EFCAB8: variants seen among roughly 807,000 people sequenced by gnomAD.
EFCAB8 encodes EF-hand calcium binding domain 8.
Under a neutral mutation model 116.3 loss-of-function variants are expected in EFCAB8, and 100 were observed. That is an observed-to-expected ratio of 0.86 (90% CI 0.73 to 1.02). The LOEUF is 1.02. Ranked by LOEUF, EFCAB8 falls within the 50% of genes least tolerant of loss-of-function variation. The pLI is 0.00. For synonymous variants in EFCAB8, 558 were observed against 567.9 expected, an observed-to-expected ratio of 0.98 and a Z score of 0.25; for missense variants, 1,320 against 1,416.9, an observed-to-expected ratio of 0.93 and a Z score of 1.10.
At chr20:32,886,166 G>A (rs982182679) in intron 6 of EFCAB8, among the ~76,000 whole-genome samples, 31 of 152,310 alleles carry the variant, frequency 2.0e-4, no homozygotes, top group African/African-American at 7.2e-4. Context: ...TACTCCCTGT[G>A]CCTCAGTTTT....
chr20:32,918,629 C>G (rs1987312815), intron 19 of EFCAB8, 55 bp downstream of exon 19: 5 of 1,494,726 alleles, frequency 3.3e-6, no homozygotes, highest in Non-Finnish European at 4.6e-6. Context: ...CGCCGGCGTT[C>G]ACACACCGTC....
At chr20:32,863,906 C>T (rs1984256805) in intron 2 of EFCAB8, 72 bp downstream of exon 2, 1 of 1,510,436 alleles carries the variant, frequency 6.6e-7, no homozygotes, top group East Asian at 2.5e-5. Context: ...CACTTACCAG[C>T]ATGGAAGTAT....
chr20:32,890,536 G>T (rs188704413), intron 7 of EFCAB8, among the ~76,000 whole-genome samples: 1 of 152,292 alleles, frequency 6.6e-6, no homozygotes, highest in East Asian at 1.9e-4. Context: ...CAGTGTCTCA[G>T]TGCCTGGTAC....
chr20:32,948,661 A>G (rs1010814689), intron 23 of EFCAB8, among the ~76,000 whole-genome samples: 4 of 152,176 alleles, frequency 2.6e-5, no homozygotes, highest in African/African-American at 9.6e-5. Flanking sequence ...AAATTTTGCA[A>G]ATAAAATCCA....
chr20:32,945,554 T>C (rs1208550469), intron 23 of EFCAB8, among the ~76,000 whole-genome samples: 1 of 152,238 alleles, frequency 6.6e-6, no homozygotes, highest in East Asian at 1.9e-4. Context: ...TTATTACGGT[T>C]ACTTAGAATT....
intron 15 of EFCAB8, 27 bp from the exon 16 acceptor site, chr20:32,911,453 C>CAGCCCGGCCTCTCCAG: frequency 6.9e-7 from 1 of 1,444,678 alleles, no homozygotes; most frequent in South Asian, 1.5e-5. Context: ...GCCTCTCCAG[C>CAGCCCGGCCTCTCCAG]AGCCCCCAGC....
intron 22 of EFCAB8, among the ~76,000 whole-genome samples, chr20:32,936,441 T>C (rs559550532): frequency 6.6e-6 from 1 of 152,342 alleles, no homozygotes; most frequent in Admixed American, 6.5e-5. Flanking sequence ...TGTTTTACAG[T>C]CTCAGATCTT....
chr20:32,960,251 C>A, intron 26 of EFCAB8, 90 bp downstream of exon 26: 1 of 1,198,004 alleles, frequency 8.3e-7, no homozygotes, highest in Non-Finnish European at 1.2e-6. Flanking sequence ...GCCCACACAG[C>A]CCTTCAGTGA....
At chr20:32,885,872 C>T (rs953798550) in intron 6 of EFCAB8, among the ~76,000 whole-genome samples, 9 of 152,198 alleles carry the variant, frequency 5.9e-5, no homozygotes, top group South Asian at 4.1e-4. Context: ...CTCACAGGCC[C>T]CTCAAATCCA....
Position 32,930,414 on chromosome 20 carries a change from C to A in EFCAB8, c.2429C>A (p.Thr810Asn), listed in dbSNP as rs1600440717. Residue 810 changes from threonine (T) to asparagine (N), a missense_variant, in exon 21 of 27, where the codon ACC (threonine) becomes AAC (asparagine). Physicochemically the swap from Thr to Asn is moderately conservative, Grantham distance 65. Transcript: ENST00000400522. ...CTTCCTCAGATAATCTTCCTGCAGA[C>A]CAGGCCTCGCCTGCCGCACACGGCT... is the stretch of plus-strand genomic sequence containing the variant. ...ASVEKIIFLQ[T>N]RPRLPHTAAL... is the part of the protein sequence containing the mutation. The A allele has an allele frequency of 6.4e-7, 1 of 1,551,070 alleles. No homozygotes were observed. Among genetic ancestry groups the A allele is most frequent in the Admixed American group, 2.0e-5 (1 of 50,998 alleles).
chr20:32,942,571 C>T (rs1468489943), intron 22 of EFCAB8, among the ~76,000 whole-genome samples: 1 of 151,558 alleles, frequency 6.6e-6, no homozygotes, highest in Non-Finnish European at 1.5e-5. Context: ...GATTGTCTAT[C>T]ATATGGATTA....
At chr20:32,865,191 T>G (rs1367909868) in intron 2 of EFCAB8, among the ~76,000 whole-genome samples, 2 of 152,010 alleles carry the variant, frequency 1.3e-5, no homozygotes, top group African/African-American at 4.8e-5. Context: ...AATATGGAGG[T>G]GGCAGTGATG....
intron 12 of EFCAB8, 73 bp from the exon 13 acceptor site, chr20:32,906,770 G>T (rs1241877673): frequency 2.5e-6 from 2 of 792,888 alleles, no homozygotes; most frequent in African/African-American, 1.7e-5. Context: ...CCCACTTCTG[G>T]GCACCACCTT....
chr20:32,939,163 CT>C, intron 22 of EFCAB8, among the ~76,000 whole-genome samples: 2 of 88,134 alleles, frequency 2.3e-5, no homozygotes, highest in African/African-American at 4.5e-5. Flanking sequence ...TTCTTTCTTT[CT>C]TTCTTTCTTT....
At chr20:32,871,440 AT>A (rs1482912082) in intron 3 of EFCAB8, among the ~76,000 whole-genome samples, 3 of 151,388 alleles carry the variant, frequency 2.0e-5, no homozygotes, top group Non-Finnish European at 4.4e-5. Flanking sequence ...CATCCAGCTA[AT>A]TTTTTCATTT....
intron 24 of EFCAB8, among the ~76,000 whole-genome samples, chr20:32,958,819 G>A (rs1447312658): frequency 6.6e-6 from 1 of 152,202 alleles, no homozygotes; most frequent in Non-Finnish European, 1.5e-5. Flanking sequence ...GCTTGGATGG[G>A]GCCCTGTCCC....
chr20:32,891,136 G>A (rs547544774), intron 7 of EFCAB8, among the ~76,000 whole-genome samples: 2 of 152,178 alleles, frequency 1.3e-5, no homozygotes, highest in South Asian at 4.2e-4. Flanking sequence ...TTTTGAGACA[G>A]TCTCACTCTG....
At chr20:32,934,688 T>C (rs746283960) in intron 22 of EFCAB8, among the ~76,000 whole-genome samples, 1 of 152,142 alleles carries the variant, frequency 6.6e-6, no homozygotes, top group Non-Finnish European at 1.5e-5. Context: ...ATTCTAATGA[T>C]AGTGAATAAG....
At chr20:32,863,643 G>A in intron 1 of EFCAB8, 140 bp from the exon 2 acceptor site, 1 of 656,568 alleles carries the variant, frequency 1.5e-6, no homozygotes, top group Non-Finnish European at 2.5e-6. Context: ...CTGCTCGCTG[G>A]GAGTGTCCAT....
Sources: allele counts gnomAD v4.1 joint callset (sites outside exome capture counted in the v4.1 genomes callset), GRCh38; gene constraint gnomAD v4.1.1; transcripts MANE v1.5; gene names NCBI Gene and HGNC (gene_info 2026-07-23, HGNC 2026-07-21).